The following RGS6 variants were observed in gnomAD, a reference collection of about 807,000 sequenced individuals.
The protein encoded by RGS6 is regulator of G protein signaling 6, also known as regulator of G-protein signaling 6.
Under a neutral mutation model 78.5 loss-of-function variants are expected in RGS6, and 30 were observed. The ratio of observed to expected loss-of-function variants is 0.38; its 90% CI spans 0.29 to 0.52. The LOEUF (loss-of-function observed/expected upper bound fraction) is 0.52. Ranked by LOEUF, RGS6 falls within the 20% of genes least tolerant of loss-of-function variation. The pLI, the probability that RGS6 is intolerant of heterozygous loss-of-function variation, is 0.85. For missense variants in RGS6, 495 were observed against 609.7 expected (o/e 0.81, Z 1.98); for synonymous variants, 206 against 206.0 (o/e 1.00, Z 0.00).
At chr14:71,975,148 G>A (rs1237682933) in intron 2 of RGS6, among the ~76,000 whole-genome samples, 1 of 152,152 alleles carries the variant, frequency 6.6e-6, no homozygotes, top group Non-Finnish European at 1.5e-5. Context: ...AGTGAGGCAT[G>A]GTTTCAAAGA....
intron 5 of RGS6, 81 bp from the exon 6 acceptor site, chr14:72,459,551 C>G: frequency 7.5e-7 from 1 of 1,333,962 alleles, no homozygotes; most frequent in Non-Finnish European, 1.1e-6. Flanking sequence ...AGCCTGCCAT[C>G]AGGGAGGCTC....
At chr14:72,208,081 G>A (rs2043119766) in intron 2 of RGS6, among the ~76,000 whole-genome samples, 1 of 152,162 alleles carries the variant, frequency 6.6e-6, no homozygotes, top group Non-Finnish European at 1.5e-5. Context: ...GGTTGCTAAG[G>A]TAATCAGTAA....
chr14:72,549,793 C>T (rs1330911039), intron 17 of RGS6, among the ~76,000 whole-genome samples: 4 of 152,124 alleles, frequency 2.6e-5, no homozygotes, highest in South Asian at 2.1e-4. Context: ...ACAAGGGAGG[C>T]GGAGGTTGCA....
intron 17 of RGS6, among the ~76,000 whole-genome samples, chr14:72,543,152 T>G (rs1390503952): frequency 1.3e-5 from 2 of 152,216 alleles, no homozygotes; most frequent in African/African-American, 4.8e-5. Flanking sequence ...TAAACATGAC[T>G]GAAGTCCACG....
intron 3 of RGS6, among the ~76,000 whole-genome samples, chr14:72,435,351 CTCCT>C (rs1232170298): frequency 6.6e-6 from 1 of 152,236 alleles, no homozygotes; most frequent in Non-Finnish European, 1.5e-5. Context: ...GCATCCATTT[CTCCT>C]TCCTTCCTTA....
At chr14:71,981,195 C>A (rs948008986) in intron 2 of RGS6, among the ~76,000 whole-genome samples, 2 of 150,558 alleles carry the variant, frequency 1.3e-5, no homozygotes, top group African/African-American at 4.9e-5. Flanking sequence ...AACTTCTTTG[C>A]CTTTGGTTTG....
chr14:72,455,757 G>A (rs1160806846), intron 4 of RGS6, among the ~76,000 whole-genome samples: 1 of 152,186 alleles, frequency 6.6e-6, no homozygotes, highest in African/African-American at 2.4e-5. Flanking sequence ...CCCTGATGCA[G>A]CCTGTACTTC....
intron 2 of RGS6, among the ~76,000 whole-genome samples, chr14:72,319,567 TCCTGA>T (rs1422335262): frequency 2.0e-5 from 3 of 151,932 alleles, no homozygotes; most frequent in African/African-American, 7.3e-5. Flanking sequence ...GGTCTCGATC[TCCTGA>T]CCTCATGATC....
At chr14:72,220,968 C>T (rs1332456079) in intron 2 of RGS6, among the ~76,000 whole-genome samples, 1 of 152,176 alleles carries the variant, frequency 6.6e-6, no homozygotes, top group Non-Finnish European at 1.5e-5. Context: ...CCTAAATCCT[C>T]CTTATCAGCA....
At chr14:72,356,894 G>C in intron 3 of RGS6, among the ~76,000 whole-genome samples, 1 of 152,168 alleles carries the variant, frequency 6.6e-6, no homozygotes, top group Non-Finnish European at 1.5e-5. Flanking sequence ...CCAATCTTGG[G>C]TATGTCTTTA....
intron 1 of RGS6, among the ~76,000 whole-genome samples, chr14:71,957,153 T>C (rs2092849876): frequency 1.3e-5 from 2 of 152,154 alleles, no homozygotes; most frequent in Admixed American, 6.5e-5. Context: ...GGTCTTTGAC[T>C]CTGATGTTAA....
At chr14:72,600,475 T>G in the RGS6 span, among the ~76,000 whole-genome samples, 1 of 152,074 alleles carries the variant, frequency 6.6e-6, no homozygotes, top group Non-Finnish European at 1.5e-5. Context: ...TAGGCCTCAG[T>G]TTCCTCTTCT....
intron 3 of RGS6, among the ~76,000 whole-genome samples, chr14:72,429,132 G>T (rs1292263256): frequency 6.6e-6 from 1 of 152,176 alleles, no homozygotes; most frequent in African/African-American, 2.4e-5. Flanking sequence ...AACCCAGGAG[G>T]CAGAGGTTGT....
chr14:71,958,560 A>C (rs1229849050), intron 1 of RGS6, among the ~76,000 whole-genome samples: 1 of 152,190 alleles, frequency 6.6e-6, no homozygotes, highest in Non-Finnish European at 1.5e-5. Flanking sequence ...ACAGCACTTA[A>C]ATGATATAGC....
At chr14:72,140,976 C>G (rs1335471449) in intron 2 of RGS6, among the ~76,000 whole-genome samples, 1 of 152,188 alleles carries the variant, frequency 6.6e-6, no homozygotes, top group Non-Finnish European at 1.5e-5. Context: ...CAATCCTTGT[C>G]AAGACATAGC....
intron 2 of RGS6, among the ~76,000 whole-genome samples, chr14:72,302,204 T>C (rs1015572359): frequency 1.3e-5 from 2 of 152,212 alleles, no homozygotes; most frequent in African/African-American, 2.4e-5. Flanking sequence ...CTGCCATTTA[T>C]TGAGTGGTAA....
chr14:72,244,221 C>T (rs2053631383), intron 2 of RGS6, among the ~76,000 whole-genome samples: 2 of 150,982 alleles, frequency 1.3e-5, no homozygotes, highest in South Asian at 2.1e-4. Context: ...AGGAGAAGTC[C>T]CAGCCCCTGC....
chr14:71,871,943 C>T, the RGS6 span, among the ~76,000 whole-genome samples: 2 of 151,298 alleles, frequency 1.3e-5, no homozygotes, highest in Admixed American at 1.3e-4. Flanking sequence ...TTTCCTGGAG[C>T]ACTGAATTTG....
intron 3 of RGS6, among the ~76,000 whole-genome samples, chr14:72,448,913 A>G (rs2095429693): frequency 6.6e-6 from 1 of 152,218 alleles, no homozygotes. Flanking sequence ...AAATGGATAT[A>G]ATAATTATCA....
Sources: gnomAD v4.1 joint callset for allele counts (sites outside exome capture counted in the v4.1 genomes callset) on GRCh38, gnomAD v4.1.1 for gene constraint, MANE v1.5 for transcripts, NCBI Gene and HGNC (gene_info 2026-07-23, HGNC 2026-07-21) for gene names.